Variants in NDRG4 observed in about 807,000 individuals in gnomAD.
NDRG4 encodes the protein protein NDRG4.
In NDRG4, 38 loss-of-function variants were observed where a neutral mutation model predicts 55.8. The observed-to-expected ratio is 0.68, with a 90% CI of 0.53 to 0.89. The LOEUF is 0.89. NDRG4 is among the 40% of genes least tolerant of loss of function. The pLI is 0.00. For synonymous variants in NDRG4, 190 were observed against 182.7 expected, an observed-to-expected ratio of 1.04 and a Z score of -0.32; for missense variants, 455 against 468.6, an observed-to-expected ratio of 0.97 and a Z score of 0.27.
At position 58,512,290 on chromosome 16, in the gene NDRG4, C is replaced by T. The variant is rs377442447; in HGVS notation, c.*714C>T. 353 of 351,942 alleles carry T rather than the reference C, an allele frequency of 1.0e-3. 4 individuals carry two copies. The highest frequency in any genetic ancestry group is 6.9e-3 in the South Asian group (331 of 48,084). 21.8% of individuals were successfully genotyped at this position (351,942 alleles called of 1,614,324 possible). A position where few individuals can be genotyped will look rare whatever the true frequency, so the allele number is the denominator to read the frequency against. ...TCCCAATTCTGAGCCAAGGCCTCCC[C>T]GAGGCAGAAGTTGCCTGGTCCTCTG... On this transcript the variant is annotated 3_prime_UTR_variant, in exon 15 of 15. Transcript: ENST00000570248.
At chr16:58,494,569 A>G (rs2036176035) in intron 2 of NDRG4, among the ~76,000 whole-genome samples, 3 of 152,280 alleles carry the variant, frequency 2.0e-5, no homozygotes, top group Admixed American at 6.5e-5. Flanking sequence ...GTAAGATGGA[A>G]TCCACACCTC....
In NDRG4 at chr16:58,500,223, A is replaced by G; in HGVS notation, c.-26A>G. 1 of 1,535,972 alleles carries G rather than the reference A, an allele frequency of 6.5e-7. No homozygotes were observed. Among genetic ancestry groups the G allele is most frequent in the Non-Finnish European group, 8.7e-7 (1 of 1,146,800 alleles). ...CAGGCCTTTGTTTGTCCTTCCTGGTAGAGGCGGGTTCCCTCCCTCGGCAAG... is the reference window on the plus strand; with the variant it reads ...CAGGCCTTTGTTTGTCCTTCCTGGTGGAGGCGGGTTCCCTCCCTCGGCAAG... On this transcript the variant is annotated 5_prime_UTR_variant, in exon 1 of 15. Transcript: ENST00000570248.
chr16:58,501,364 C>T (rs2037074599), intron 1 of NDRG4: 1 of 319,126 alleles, frequency 3.1e-6, no homozygotes, highest in East Asian at 4.8e-5. Flanking sequence ...CGAGGGGAGA[C>T]GGACCGACCG....
chr16:58,496,859 TGTG>T (rs2036471242), upstream of NDRG4: 1 of 152,192 alleles, frequency 6.6e-6, no homozygotes, highest in African/African-American at 2.4e-5. Flanking sequence ...CAAACCTCCC[TGTG>T]CTTTATTTGC....
chr16:58,471,857 T>A (rs2032887367), intron 1 of NDRG4, among the ~76,000 whole-genome samples: 1 of 152,018 alleles, frequency 6.6e-6, no homozygotes, highest in South Asian at 2.1e-4. Context: ...AGAGGGAATA[T>A]TTCTGGGATG....
Position 58,504,589 on chromosome 16 carries a change from G to T in NDRG4, c.312G>T (p.Gly104=), listed in dbSNP as rs372888060. 1.2e-6 allele frequency: 2 copies of T among 1,614,088 alleles called. No individual in the cohort carries two copies. The highest frequency in any genetic ancestry group is 1.7e-6 in the Non-Finnish European group (2 of 1,180,052). ...GAGTGACCAGCCTGCTCTGCACCAG[G>T]TTCAAGTATGTGATTGGCATCGGAG... The part of the protein sequence containing the change: ...AMLPSVVQHF[G]FKYVIGIGVG... The change falls in exon 5 of 15, where the codon GGG becomes GGT. Residue 104 remains glycine (G), a splice_region_variant and synonymous_variant. Transcript: ENST00000570248.
intron 8 of NDRG4, chr16:58,507,313 T>G (rs573686383): frequency 2.3e-6 from 1 of 442,440 alleles, no homozygotes; most frequent in East Asian, 3.9e-5. Flanking sequence ...CCAGCCTTGA[T>G]GTTGACGTCT....
At chr16:58,508,084 A>G in intron 10 of NDRG4, 85 bp downstream of exon 10, 1 of 1,338,662 alleles carries the variant, frequency 7.5e-7, no homozygotes, top group East Asian at 2.4e-5. Context: ...ACAATTCTTG[A>G]TCCAGCCCAG....
chr16:58,480,472 C>G (rs1446610096), intron 1 of NDRG4, among the ~76,000 whole-genome samples: 1 of 152,258 alleles, frequency 6.6e-6, no homozygotes. Context: ...AGCCTCTTGA[C>G]AGCCAGCCCT....
chr16:58,501,082 C>G (rs1205603515), intron 1 of NDRG4: 1 of 1,234,630 alleles, frequency 8.1e-7, no homozygotes, highest in African/African-American at 1.6e-5. Flanking sequence ...CATCAGGTAC[C>G]CCGGCCCCAT....
intron 1 of NDRG4, among the ~76,000 whole-genome samples, chr16:58,470,379 A>G (rs2032534679): frequency 6.6e-6 from 1 of 152,178 alleles, no homozygotes; most frequent in African/African-American, 2.4e-5. Flanking sequence ...TTGAAGTCTA[A>G]GGAGGAGGAA....
At chr16:58,485,065 G>A (rs920773731) in intron 1 of NDRG4, among the ~76,000 whole-genome samples, 16 of 151,862 alleles carry the variant, frequency 1.1e-4, no homozygotes, top group African/African-American at 3.9e-4. Context: ...TGTATTTTTA[G>A]TAGAGACGGG....
At chr16:58,486,072 A>C (rs1248483784) in intron 1 of NDRG4, among the ~76,000 whole-genome samples, 1 of 152,202 alleles carries the variant, frequency 6.6e-6, no homozygotes, top group Non-Finnish European at 1.5e-5. Context: ...TTATATACTT[A>C]CAAGCCATAT....
chr16:58,504,272 G>A lies in NDRG4; in HGVS notation c.246G>A (p.Gln82=), dbSNP rs1425613254. The change falls in exon 3 of 15, where the codon CAG becomes CAA. Residue 82 remains glutamine, a splice_region_variant and synonymous_variant. Transcript: ENST00000570248. ...AGGTGGGGGCGTCGCAGTTTCCTCA[G>A]GGGTAGGTACCCTGAGCCCCCTCTG... ...GQQVGASQFP[Q]GYQFPSMEQL... 6.2e-7 allele frequency: 1 copy of A among 1,614,128 alleles called. No individual in the cohort carries two copies. Among genetic ancestry groups the A allele is most frequent in the Admixed American group, 1.7e-5 (1 of 60,030 alleles).
chr16:58,472,034 C>T (rs1194067225), intron 1 of NDRG4, among the ~76,000 whole-genome samples: 1 of 152,102 alleles, frequency 6.6e-6, no homozygotes, highest in East Asian at 1.9e-4. Flanking sequence ...CAATATTGGC[C>T]ACTTGGTGTT....
At chr16:58,508,929 G>C (rs748898319) in intron 10 of NDRG4, 33 bp from the exon 11 acceptor site, 1 of 1,610,624 alleles carries the variant, frequency 6.2e-7, no homozygotes, top group South Asian at 1.1e-5. Context: ...GGAGGGGCAG[G>C]GGCTGTTGCT....
chr16:58,474,388 G>A (rs896304189), intron 1 of NDRG4, among the ~76,000 whole-genome samples: 2 of 152,096 alleles, frequency 1.3e-5, no homozygotes, highest in Non-Finnish European at 2.9e-5. Context: ...ACATGCAGGC[G>A]CCTGCCTCCT....
intron 2 of NDRG4, among the ~76,000 whole-genome samples, chr16:58,489,330 C>T (rs1334517237): frequency 9.9e-5 from 15 of 151,886 alleles, no homozygotes; most frequent in Admixed American, 9.9e-4. Flanking sequence ...GCTTAACGAG[C>T]CATCTCAGTC....
At position 58,506,927 on chromosome 16, in the gene NDRG4, A is replaced by C. The variant is rs2038111433; in HGVS notation, c.532A>C (p.Asn178His). 1 of 1,613,920 alleles carries C rather than the reference A, an allele frequency of 6.2e-7. No homozygotes were observed. Among genetic ancestry groups the C allele is most frequent in the Admixed American group, 1.7e-5 (1 of 59,986 alleles). The change falls in exon 8 of 15, where the codon AAC becomes CAC. Residue 178 changes from asparagine (N) to histidine (H), a missense_variant. By Grantham distance (68) the Asn-to-His change is moderately conservative. Coordinates refer to ENST00000570248, the MANE Select transcript of NDRG4 (RefSeq NM_001242835.2). ...HLFSQEELVNNTELVQSYRQQ... is the reference protein window; with the variant it reads ...HLFSQEELVNHTELVQSYRQQ... ...CTGGGCCTAGGAGGAGCTGGTGAACAACACAGAGTTGGTGCAGAGCTACCG... is the reference window on the plus strand; with the variant it reads ...CTGGGCCTAGGAGGAGCTGGTGAACCACACAGAGTTGGTGCAGAGCTACCG...
Sources: allele counts gnomAD v4.1 joint callset (sites outside exome capture counted in the v4.1 genomes callset), GRCh38; gene constraint gnomAD v4.1.1; transcripts MANE v1.5; gene names NCBI Gene and HGNC (gene_info 2026-07-23, HGNC 2026-07-21).